The following PCDHA13 variants were observed in gnomAD, a reference collection of about 807,000 sequenced individuals.
The protein encoded by PCDHA13 is protocadherin alpha 13, also known as protocadherin alpha-13.
In PCDHA13, 54 loss-of-function variants were observed where a neutral mutation model predicts 64.8. The ratio of observed to expected loss-of-function variants is 0.83; its 90% CI spans 0.67 to 1.04. The LOEUF (loss-of-function observed/expected upper bound fraction) is 1.04. PCDHA13 is among the 50% of genes least tolerant of loss of function. The pLI, the probability that PCDHA13 is intolerant of heterozygous loss-of-function variation, is 0.00. For synonymous variants in PCDHA13, 587 were observed against 564.4 expected, an observed-to-expected ratio of 1.04 and a Z score of -0.57; for missense variants, 1,248 against 1,254.3, an observed-to-expected ratio of 0.99 and a Z score of 0.08.
chr5:140,950,662 C>T (rs1347125277), intron 1 of PCDHA13, among the ~76,000 whole-genome samples: 1 of 152,030 alleles, frequency 6.6e-6, no homozygotes, highest in East Asian at 1.9e-4. Flanking sequence ...CTGAGTTTAT[C>T]AAACATGTAC....
At chr5:140,927,701 A>G (rs2084527211) in intron 1 of PCDHA13, 1 of 1,614,052 alleles carries the variant, frequency 6.2e-7, no homozygotes, top group South Asian at 1.1e-5. Context: ...GAAGTCCAGT[A>G]CTCCCTAAGC....
At chr5:140,968,287 C>G (rs7712041) in intron 1 of PCDHA13, 1 of 1,613,902 alleles carries the variant, frequency 6.2e-7, no homozygotes, top group South Asian at 1.1e-5. Context: ...TGACCTACTC[C>G]CTTCTGGAGA....
At chr5:140,983,239 C>A (rs557831259) in intron 3 of PCDHA13, among the ~76,000 whole-genome samples, 53 of 152,294 alleles carry the variant, frequency 3.5e-4, no homozygotes, top group African/African-American at 1.2e-3. Context: ...GGAAAGAGAA[C>A]CTGCTAAGTT....
At chr5:140,914,695 A>T (rs970720014) in intron 1 of PCDHA13, among the ~76,000 whole-genome samples, 1 of 151,978 alleles carries the variant, frequency 6.6e-6, no homozygotes, top group African/African-American at 2.4e-5. Context: ...CTCTGGTGGT[A>T]TGATTTAATT....
intron 1 of PCDHA13, among the ~76,000 whole-genome samples, chr5:140,914,715 T>A (rs1554196547): frequency 6.6e-6 from 1 of 152,162 alleles, no homozygotes; most frequent in Non-Finnish European, 1.5e-5. Flanking sequence ...TTCTTGTTTT[T>A]TATTTTTTGT....
At chr5:140,927,457 A>G in intron 1 of PCDHA13, 1 of 1,614,098 alleles carries the variant, frequency 6.2e-7, no homozygotes, top group Non-Finnish European at 8.5e-7. Flanking sequence ...GGTGTTGGAG[A>G]AAGCACTGGA....
At chr5:140,936,212 A>C (rs1294255399) in intron 1 of PCDHA13, among the ~76,000 whole-genome samples, 1 of 152,126 alleles carries the variant, frequency 6.6e-6, no homozygotes, top group African/African-American at 2.4e-5. Context: ...TTTTTTATTT[A>C]GTATTCTTTC....
chr5:140,926,997 C>T (rs782110120), intron 1 of PCDHA13: 3 of 1,612,104 alleles, frequency 1.9e-6, no homozygotes, highest in Admixed American at 3.3e-5. Context: ...GGGGCGTAGC[C>T]GTAGGCAATC....
At position 140,882,577 on chromosome 5, in the gene PCDHA13, C is replaced by G; in HGVS notation, c.309C>G (p.Ser103Arg). 3 of 1,614,238 alleles carry G rather than the reference C, an allele frequency of 1.9e-6. No individual in the cohort carries two copies. Among genetic ancestry groups the G allele is most frequent in the Non-Finnish European group, 2.5e-6 (3 of 1,180,046 alleles). Reference sequence around the variant, plus strand: ...TGTGTGGGCGGAGCGCGGAGTGCAGCATCCACCTGGAGGTGATCGTGGACA... The same window carrying G: ...TGTGTGGGCGGAGCGCGGAGTGCAGGATCCACCTGGAGGTGATCGTGGACA... ...EELCGRSAEC[S>R]IHLEVIVDRP... Residue 103 changes from serine (S) to arginine (R), a missense_variant, in exon 1 of 4, where the codon AGC (serine) becomes AGG (arginine). Coordinates refer to ENST00000289272, the MANE Select transcript of PCDHA13 (RefSeq NM_018904.3).
At chr5:140,913,181 T>C (rs2076246657) in intron 1 of PCDHA13, among the ~76,000 whole-genome samples, 1 of 152,208 alleles carries the variant, frequency 6.6e-6, no homozygotes, top group Admixed American at 6.5e-5. Flanking sequence ...TCTTTAAATG[T>C]TTGGTAGAAT....
intron 1 of PCDHA13, among the ~76,000 whole-genome samples, chr5:140,919,099 C>T (rs972213897): frequency 4.6e-5 from 7 of 152,126 alleles, no homozygotes; most frequent in Non-Finnish European, 7.4e-5. Context: ...CTATTTCTCC[C>T]TTCATTTCTG....
Position 140,913,960 on chromosome 5 carries a change from T to TA in PCDHA13, c.2394+29305dup, listed in dbSNP as rs201352444. 7.9e-3 allele frequency among the ~76,000 whole-genome samples: 1,207 copies of TA among 152,282 alleles called. 5 individuals are homozygous for TA. Among genetic ancestry groups the TA allele is most frequent in the African/African-American group, 0.019 (780 of 41,560 alleles). ...AAGAATCTTGATATGATATCATTTT[T>TA]AAAAAAATATTTTAGGACTTGTATT... On this transcript the variant is annotated intron_variant, in intron 1 of 3. Transcript: ENST00000289272.
At chr5:140,944,439 G>A (rs1022400391) in intron 1 of PCDHA13, among the ~76,000 whole-genome samples, 7 of 152,022 alleles carry the variant, frequency 4.6e-5, no homozygotes, top group African/African-American at 1.2e-4. Context: ...TGCCTGCCTC[G>A]GCCTCCCAAA....
Position 140,883,872 on chromosome 5 carries a change from T to A in PCDHA13, c.1604T>A (p.Val535Glu), listed in dbSNP as rs1554180376. The A allele has an allele frequency of 1.2e-6, 2 of 1,612,996 alleles. No individual in the cohort carries two copies. Among genetic ancestry groups the A allele is most frequent in the African/African-American group, 1.3e-5 (1 of 74,850 alleles). ...GAGCTGGAGCTGTTGCAGTTCCAGG[T>A]GAGCGCGCGCGACTCTGGCGTGCCG... ...HEELELLQFQ[V>E]SARDSGVPPL... is the part of the protein sequence containing the mutation. Residue 535 changes from valine to glutamate, a missense_variant, in exon 1 of 4, where the codon GTG becomes GAG. Transcript: ENST00000289272.
At chr5:140,914,564 A>AT (rs532022159) in intron 1 of PCDHA13, among the ~76,000 whole-genome samples, 1 of 152,026 alleles carries the variant, frequency 6.6e-6, no homozygotes, top group Non-Finnish European at 1.5e-5. Context: ...AGTTTAGTCC[A>AT]TTTACATTCA....
intron 1 of PCDHA13, among the ~76,000 whole-genome samples, chr5:140,950,547 TGGG>T (rs1385873509): frequency 6.6e-6 from 1 of 152,064 alleles, no homozygotes; most frequent in Non-Finnish European, 1.5e-5. Flanking sequence ...CTTGCATGGC[TGGG>T]GGGACACTTA....
chr5:140,930,798 G>T (rs1339622831), intron 1 of PCDHA13, among the ~76,000 whole-genome samples: 1 of 152,094 alleles, frequency 6.6e-6, no homozygotes, highest in Non-Finnish European at 1.5e-5. Flanking sequence ...ATAGAATCCA[G>T]CATATAAGAT....
At chr5:140,901,482 G>A (rs1348405650) in intron 1 of PCDHA13, among the ~76,000 whole-genome samples, 8 of 152,010 alleles carry the variant, frequency 5.3e-5, no homozygotes, top group African/African-American at 1.9e-4. Context: ...TATGTTCTTG[G>A]CACCTTCATC....
rs782444555 is a variant in PCDHA13, at chr5:140,883,708, G to C, written c.1440G>C (p.Gln480His). 1.2e-6 allele frequency: 2 copies of C among 1,613,664 alleles called. No homozygotes were observed. The highest frequency in any genetic ancestry group is 1.7e-6 in the Non-Finnish European group (2 of 1,179,838). Residue 480 changes from glutamine to histidine, a missense_variant, in exon 1 of 4, where the codon CAG becomes CAC. Gln to His is a conservative substitution (Grantham distance 24). Coordinates refer to ENST00000289272, the MANE Select transcript of PCDHA13 (RefSeq NM_018904.3). ...PGCHIFTVSA[Q>H]DADAQENALV... ...GCCACATCTTCACGGTGTCTGCTCA[G>C]GACGCGGACGCACAGGAGAACGCGC...
Sources: allele counts gnomAD v4.1 joint callset (sites outside exome capture counted in the v4.1 genomes callset), GRCh38; gene constraint gnomAD v4.1.1; transcripts MANE v1.5; gene names NCBI Gene and HGNC (gene_info 2026-07-23, HGNC 2026-07-21).